The following SLC35F4 variants were observed in gnomAD, a reference collection of about 807,000 sequenced individuals.
SLC35F4 encodes chromosome 14 open reading frame 36.
In SLC35F4, 24 loss-of-function variants were observed where a neutral mutation model predicts 44.2. That is an observed-to-expected ratio of 0.54 (90% confidence interval 0.39 to 0.76). The LOEUF is 0.76. SLC35F4 is among the 30% of genes least tolerant of loss of function. SLC35F4 has a pLI of 0.00. For missense variants in SLC35F4, 562 were observed against 586.1 expected, an observed-to-expected ratio of 0.96 and a Z score of 0.42; for synonymous variants, 238 against 223.6, an observed-to-expected ratio of 1.06 and a Z score of -0.57.
chr14:57,932,234 T>A (rs1334671989), intron 1 of SLC35F4, among the ~76,000 whole-genome samples: 1 of 152,210 alleles, frequency 6.6e-6, no homozygotes, highest in Non-Finnish European at 1.5e-5. Context: ...CCACAGTTTT[T>A]ATGATGAAAA....
chr14:57,575,137 A>G (rs1025536700), intron 4 of SLC35F4, among the ~76,000 whole-genome samples: 1 of 152,104 alleles, frequency 6.6e-6, no homozygotes, highest in Non-Finnish European at 1.5e-5. Flanking sequence ...TCTCTTGACA[A>G]TCTATTCCAG....
intron 1 of SLC35F4, among the ~76,000 whole-genome samples, chr14:57,601,089 A>G (rs2070799290): frequency 6.6e-6 from 1 of 152,060 alleles, no homozygotes; most frequent in Admixed American, 6.5e-5. Context: ...CTCTTAATTC[A>G]TTTAATAAAT....
intron 1 of SLC35F4, among the ~76,000 whole-genome samples, chr14:57,644,014 T>G (rs942618023): frequency 6.6e-6 from 1 of 152,210 alleles, no homozygotes; most frequent in African/African-American, 2.4e-5. Context: ...ATCCAGTCTA[T>G]CATTGTTGGA....
chr14:57,841,166 G>T (rs2140960773), intron 1 of SLC35F4, among the ~76,000 whole-genome samples: 1 of 152,250 alleles, frequency 6.6e-6, no homozygotes, highest in African/African-American at 2.4e-5. Context: ...TACAGGGCAT[G>T]GCTAATACCT....
intron 1 of SLC35F4, among the ~76,000 whole-genome samples, chr14:57,749,721 T>A (rs2076839011): frequency 6.6e-6 from 1 of 152,182 alleles, no homozygotes; most frequent in Non-Finnish European, 1.5e-5. Context: ...CTCAGACTAG[T>A]GACCATGACA....
chr14:57,584,944 A>C (rs1225993208), intron 3 of SLC35F4, among the ~76,000 whole-genome samples: 1 of 152,220 alleles, frequency 6.6e-6, no homozygotes, highest in Non-Finnish European at 1.5e-5. Flanking sequence ...TCTGATAATC[A>C]CATTCCCCTA....
At chr14:57,976,698 G>T (rs1260341001), downstream of SLC35F4, 1 of 152,184 alleles carries the variant, frequency 6.6e-6, no homozygotes, top group Non-Finnish European at 1.5e-5. Flanking sequence ...CAGACATAGT[G>T]CCTTCACTAG....
chr14:57,754,697 C>CTG lies in SLC35F4; in HGVS notation c.103+111024_103+111025dup, dbSNP rs539151433. On this transcript the variant is annotated intron_variant, in intron 1 of 7. Transcript: ENST00000556826. ...CATGAATTATGTGGCCTTCCTGCTCCTGTTAGTGTATTCCACCTAGCACAG... is the reference window on the plus strand; with the variant it reads ...CATGAATTATGTGGCCTTCCTGCTCCTGTGTTAGTGTATTCCACCTAGCACAG... Among the ~76,000 whole-genome samples the CTG allele has an allele frequency of 1.4e-4, 22 of 152,364 alleles. No individual in the cohort carries two copies. The South Asian group carries it at 2.7e-3, about 19-fold the overall frequency.
intron 1 of SLC35F4, among the ~76,000 whole-genome samples, chr14:57,925,362 G>GCT (rs1555401950): frequency 6.6e-6 from 1 of 151,748 alleles, no homozygotes; most frequent in East Asian, 1.9e-4. Flanking sequence ...ATAATGAAGA[G>GCT]TTTTTTTGAA....
At chr14:57,935,685 T>C (rs1380230476) in intron 1 of SLC35F4, among the ~76,000 whole-genome samples, 2 of 152,228 alleles carry the variant, frequency 1.3e-5, no homozygotes, top group Non-Finnish European at 2.9e-5. Flanking sequence ...TCAGATGTTG[T>C]TCTATTTGTT....
chr14:57,962,294 G>C lies in SLC35F4; in HGVS notation n.282+19619C>G, dbSNP rs571892143. Among the ~76,000 whole-genome samples, 5 of 152,314 alleles carry C rather than the reference G, an allele frequency of 3.3e-5. No individual in the cohort carries two copies. In the South Asian group the frequency reaches 8.3e-4, roughly 25 times the overall value. On this transcript the variant is annotated intron_variant and non_coding_transcript_variant, in intron 1 of 1. Transcript: ENST00000556568. ...AAGAGATTAGAGTTCTGGGTGGTCT[G>C]TTGGAAAGGCAGTGAAAAACAAGAA... is the stretch of plus-strand genomic sequence containing the variant.
chr14:57,833,767 A>G (rs1289960918), intron 1 of SLC35F4, among the ~76,000 whole-genome samples: 2 of 152,240 alleles, frequency 1.3e-5, no homozygotes, highest in African/African-American at 4.8e-5. Flanking sequence ...AGCTGTTGGC[A>G]TATTTAAATA....
At chr14:57,620,794 A>G (rs982101375) in intron 1 of SLC35F4, among the ~76,000 whole-genome samples, 1 of 152,238 alleles carries the variant, frequency 6.6e-6, no homozygotes, top group Non-Finnish European at 1.5e-5. Context: ...CCTATTCAAC[A>G]TAGTGTTGGA....
chr14:57,933,991 CA>C (rs1889750336), intron 1 of SLC35F4, among the ~76,000 whole-genome samples: 1 of 152,138 alleles, frequency 6.6e-6, no homozygotes, highest in South Asian at 2.1e-4. Context: ...CATCGGTCTT[CA>C]TTTATATCAA....
chr14:57,680,357 G>A (rs754348800), intron 1 of SLC35F4, among the ~76,000 whole-genome samples: 28 of 151,820 alleles, frequency 1.8e-4, no homozygotes, highest in Non-Finnish European at 3.2e-4. Context: ...TAAACTAAGC[G>A]TTGATGGAAT....
chr14:57,613,556 G>C (rs1284324989), intron 1 of SLC35F4, among the ~76,000 whole-genome samples: 1 of 152,210 alleles, frequency 6.6e-6, no homozygotes, highest in African/African-American at 2.4e-5. Context: ...CATTCTCTAA[G>C]AGGTATTTCT....
At chr14:57,869,040 C>T (rs137895485), upstream of SLC35F4, among the ~76,000 whole-genome samples, 7 of 152,028 alleles carry the variant, frequency 4.6e-5, no homozygotes, top group East Asian at 3.9e-4. Context: ...GTTTTTTGTG[C>T]GCTCTTCAGG....
At chr14:57,625,455 A>G (rs905295196) in intron 1 of SLC35F4, among the ~76,000 whole-genome samples, 3 of 152,186 alleles carry the variant, frequency 2.0e-5, no homozygotes, top group African/African-American at 7.2e-5. Flanking sequence ...AAACTACTTT[A>G]TATTTCGTAT....
intron 1 of SLC35F4, among the ~76,000 whole-genome samples, chr14:57,623,541 A>C (rs1251075930): frequency 6.6e-6 from 1 of 152,204 alleles, no homozygotes; most frequent in East Asian, 1.9e-4. Context: ...TTATTCTAAA[A>C]TTGACCACAT....
Sources: allele counts gnomAD v4.1 joint callset (sites outside exome capture counted in the v4.1 genomes callset), GRCh38; gene constraint gnomAD v4.1.1; transcripts MANE v1.5; gene names NCBI Gene and HGNC (gene_info 2026-07-23, HGNC 2026-07-21).